The following POLR1C variants were observed in gnomAD, a reference collection of about 807,000 sequenced individuals.
The protein encoded by POLR1C is DNA-directed RNA polymerases I and III subunit RPAC1.
In POLR1C, 42 loss-of-function variants were observed where a neutral mutation model predicts 38.3. The observed-to-expected ratio is 1.10, with a 90% CI of 0.86 to 1.42. The LOEUF (loss-of-function observed/expected upper bound fraction) is 1.42. Among genes scored for constraint, POLR1C ranks in the 40% most tolerant of loss-of-function variants. The probability of loss-of-function intolerance (pLI) is 0.00; values close to 1 mark genes in which losing one functional copy is unlikely to be tolerated. For missense variants in POLR1C, 507 were observed against 450.5 expected (o/e 1.13, Z -1.14); for synonymous variants, 163 against 163.9 (o/e 0.99, Z 0.04).
downstream of POLR1C, chr6:43,531,601 A>G (rs376098946): frequency 7.2e-5 from 115 of 1,586,594 alleles, no homozygotes; most frequent in Non-Finnish European, 8.8e-5. Flanking sequence ...GGTCAAGAAC[A>G]TGATGCTCCA....
intron 9 of POLR1C, among the ~76,000 whole-genome samples, chr6:43,546,071 C>T (rs1385844022): frequency 6.6e-6 from 1 of 152,084 alleles, no homozygotes; most frequent in Non-Finnish European, 1.5e-5. Context: ...AACCAAGGAT[C>T]TAGCAAACTC....
At chr6:43,524,753 A>C, downstream of POLR1C, 1 of 1,589,770 alleles carries the variant, frequency 6.3e-7, no homozygotes, top group East Asian at 2.2e-5. Flanking sequence ...GCCTGAATTT[A>C]GGATAAGGCC....
At chr6:43,518,312 A>G (rs1406392202) in intron 2 of POLR1C, among the ~76,000 whole-genome samples, 1 of 152,204 alleles carries the variant, frequency 6.6e-6, no homozygotes, top group Non-Finnish European at 1.5e-5. Flanking sequence ...AGGTAAATTT[A>G]TGATTGCTTT....
At chr6:43,551,259 A>G in intron 10 of POLR1C, 1 of 1,526,496 alleles carries the variant, frequency 6.6e-7, no homozygotes, top group Non-Finnish European at 8.8e-7. Context: ...TAACTTAGAA[A>G]TGTCAAAATA....
intron 9 of POLR1C, chr6:43,547,235 G>A (rs898114088): frequency 1.1e-5 from 4 of 372,340 alleles, no homozygotes; most frequent in Admixed American, 8.1e-5. Context: ...AAATAGCAAA[G>A]CACTGAAAAA....
chr6:43,530,219 T>C (rs1793878763), downstream of POLR1C, among the ~76,000 whole-genome samples: 1 of 152,076 alleles, frequency 6.6e-6, no homozygotes, highest in African/African-American at 2.4e-5. Flanking sequence ...ATCATGCCAC[T>C]GCACTCCAGC....
Position 43,520,765 on chromosome 6 carries a change from G to A in POLR1C, c.796G>A (p.Glu266Lys), listed in dbSNP as rs1202546140. The A allele has an allele frequency of 6.2e-6, 10 of 1,613,906 alleles. No individual in the cohort carries two copies. Among genetic ancestry groups the A allele is most frequent in the Middle Eastern group, 1.6e-4 (1 of 6,084 alleles). ...CFSPGVIEVQ[E>K]VQGKKVARVA... ...CTCACCTGGTGTTATTGAGGTGCAGGAAGTCCAAGGTATGGTATTTGGGAT... is the reference window on the plus strand; with the variant it reads ...CTCACCTGGTGTTATTGAGGTGCAGAAAGTCCAAGGTATGGTATTTGGGAT... Residue 266 changes from glutamate to lysine, a missense_variant, in exon 7 of 9, where the codon GAA (glutamate) becomes AAA (lysine). Coordinates refer to ENST00000642195, the MANE Select transcript of POLR1C (RefSeq NM_203290.4).
downstream of POLR1C, chr6:43,524,963 C>T (rs879216608): frequency 6.2e-7 from 1 of 1,613,052 alleles, no homozygotes; most frequent in African/African-American, 1.3e-5. Flanking sequence ...GTGTCCCTGA[C>T]AGCACCTGGG....
At chr6:43,524,603 C>A, downstream of POLR1C, 1 of 1,613,984 alleles carries the variant, frequency 6.2e-7, no homozygotes, top group Non-Finnish European at 8.5e-7. Context: ...GGATTTGCTC[C>A]ATTACAGCTC....
chr6:43,527,721 C>G, intron 8 of POLR1C: 1 of 1,613,990 alleles, frequency 6.2e-7, no homozygotes, highest in East Asian at 2.2e-5. Flanking sequence ...TCTGCAGCCT[C>G]ATCTTCTCCA....
rs1554134875 is a variant in POLR1C at position 43,549,837 on chromosome 6, A to G, written c.*5-1131A>G. ...TAAAAATATAAACTGAGTATCAGGTATTCATACATTTGTACTCAAGAAGTT... is the reference window on the plus strand; with the variant it reads ...TAAAAATATAAACTGAGTATCAGGTGTTCATACATTTGTACTCAAGAAGTT... On this transcript the variant is annotated intron_variant, in intron 9 of 10. Transcript: ENST00000607635. 216 of 1,506,606 alleles carry G rather than the reference A, an allele frequency of 1.4e-4. 5 individuals carry two copies. The South Asian group carries it at 2.4e-3, about 17-fold the overall frequency. The allele number at this position is 1,506,606 out of a possible 1,614,324, so 93.3% of individuals were successfully genotyped here.
intron 10 of POLR1C, chr6:43,558,559 G>T: frequency 6.2e-7 from 1 of 1,601,632 alleles, no homozygotes; most frequent in Non-Finnish European, 8.5e-7. Context: ...AATATTCACA[G>T]CTAGGGCTGT....
chr6:43,543,469 GTAAA>G (rs942880249), intron 9 of POLR1C, among the ~76,000 whole-genome samples: 5 of 147,972 alleles, frequency 3.4e-5, no homozygotes, highest in Admixed American at 6.6e-5. Context: ...AAGTAAGTAA[GTAAA>G]TAAATAAATA....
chr6:43,519,030 G>A (rs1339655358), intron 2 of POLR1C: 5 of 425,288 alleles, frequency 1.2e-5, no homozygotes, highest in Non-Finnish European at 2.2e-5. Flanking sequence ...CTAGTAAGAG[G>A]ACTGAGTAGT....
At position 43,519,974 on chromosome 6, in the gene POLR1C, G is replaced by C. The variant is rs543544898; in HGVS notation, c.383-92G>C. On this transcript the variant is annotated intron_variant, in intron 4 of 8. Coordinates refer to ENST00000642195, the MANE Select transcript of POLR1C (RefSeq NM_203290.4). The stretch of plus-strand genomic sequence containing the variant: ...AACACTTGCCTTGTCTCCCAAGTTT[G>C]CCATAATTAAATGGGAAACACGTAA... 550 of 1,558,996 alleles carry C rather than the reference G, an allele frequency of 3.5e-4. 2 individuals carry two copies. The African/African-American group carries it at 6.9e-3, about 20-fold the overall frequency.
chr6:43,527,754 G>A, intron 8 of POLR1C: 1 of 1,613,028 alleles, frequency 6.2e-7, no homozygotes. Context: ...AGGGGGCCAA[G>A]TTCCACAGGA....
intron 9 of POLR1C, among the ~76,000 whole-genome samples, chr6:43,535,129 A>T (rs1794236323): frequency 6.6e-6 from 1 of 151,090 alleles, no homozygotes; most frequent in Non-Finnish European, 1.5e-5. Context: ...TGTCTCTACT[A>T]AAAATACAAA....
downstream of POLR1C, chr6:43,533,524 A>C (rs191219589): frequency 3.6e-5 from 6 of 167,108 alleles, no homozygotes; most frequent in Admixed American, 5.7e-5. Context: ...AAGATGGAAG[A>C]AGCACAAGAT....
At chr6:43,560,857 C>G in intron 10 of POLR1C, 2 of 1,259,574 alleles carry the variant, frequency 1.6e-6, no homozygotes, top group East Asian at 2.3e-5. Flanking sequence ...AATAATATTT[C>G]AGGACACAGT....
Sources: allele counts gnomAD v4.1 joint callset (sites outside exome capture counted in the v4.1 genomes callset), GRCh38; gene constraint gnomAD v4.1.1; transcripts MANE v1.5; gene names NCBI Gene and HGNC (gene_info 2026-07-23, HGNC 2026-07-21).